The following DLG2 variants were observed in gnomAD, a reference collection of about 807,000 sequenced individuals.
The protein encoded by DLG2 is discs large MAGUK scaffold protein 2.
DLG2 carries 45 observed loss-of-function variants against 132.5 expected under a neutral mutation model. The ratio of observed to expected loss-of-function variants is 0.34; its 90% confidence interval spans 0.27 to 0.44. DLG2 has a LOEUF of 0.44. DLG2 is among the 20% of genes least tolerant of loss of function. DLG2 has a pLI of 1.00. For missense variants in DLG2, 1,045 were observed against 1,196.9 expected (o/e 0.87, Z 1.87); for synonymous variants, 424 against 419.6 (o/e 1.01, Z -0.13).
chr11:85,053,155 T>G (rs992979497), intron 6 of DLG2, among the ~76,000 whole-genome samples: 2 of 152,100 alleles, frequency 1.3e-5, no homozygotes, highest in East Asian at 3.9e-4. Context: ...ATGGCCTCAG[T>G]TTTCTCTCTG....
At chr11:84,025,754 T>C (rs1489859121) in intron 11 of DLG2, among the ~76,000 whole-genome samples, 1 of 152,150 alleles carries the variant, frequency 6.6e-6, no homozygotes, top group Admixed American at 6.6e-5. Context: ...ACAAAGCAGT[T>C]GATTTTTTAC....
rs142668977 is a variant in DLG2, at chr11:84,992,511, C to T, written c.357+119150G>A. Among the ~76,000 whole-genome samples the T allele has an allele frequency of 4.6e-5, 7 of 152,268 alleles. No homozygotes were observed. The East Asian group carries it at 1.4e-3, about 29-fold the overall frequency. On this transcript the variant is annotated intron_variant, in intron 6 of 27. Coordinates refer to ENST00000376104, the MANE Select transcript of DLG2 (RefSeq NM_001142699.3). Reference sequence around the variant, plus strand: ...GGCACCTTATTTAAACCATAGGGCTCCATGGAACACAGTTTATTTGAAAAG... The same window carrying T: ...GGCACCTTATTTAAACCATAGGGCTTCATGGAACACAGTTTATTTGAAAAG...
chr11:85,162,354 G>T (rs1566953693), intron 4 of DLG2, among the ~76,000 whole-genome samples: 1 of 152,158 alleles, frequency 6.6e-6, no homozygotes. Context: ...GAAGGTTTGG[G>T]TGACTCCACC....
chr11:84,874,568 G>C (rs530785796), intron 6 of DLG2, among the ~76,000 whole-genome samples: 1 of 152,134 alleles, frequency 6.6e-6, no homozygotes, highest in Admixed American at 6.5e-5. Context: ...ACAAATTGTG[G>C]TAAGATTTAT....
chr11:85,593,323 G>A (rs776377462), intron 3 of DLG2, among the ~76,000 whole-genome samples: 2 of 152,134 alleles, frequency 1.3e-5, no homozygotes, highest in African/African-American at 4.8e-5. Flanking sequence ...TAGAACATAG[G>A]TTTTCAAATT....
At chr11:85,131,172 T>C (rs1002331465) in intron 5 of DLG2, among the ~76,000 whole-genome samples, 1 of 152,152 alleles carries the variant, frequency 6.6e-6, no homozygotes, top group Non-Finnish European at 1.5e-5. Flanking sequence ...TAAGTAAATA[T>C]AAGGCATATG....
chr11:84,120,268 C>G (rs552547193), intron 9 of DLG2, among the ~76,000 whole-genome samples: 2 of 152,192 alleles, frequency 1.3e-5, no homozygotes, highest in African/African-American at 4.8e-5. Context: ...AGTATGCAAC[C>G]TGAAAATAGA....
intron 14 of DLG2, among the ~76,000 whole-genome samples, chr11:83,947,635 G>T (rs755580953): frequency 2.6e-5 from 4 of 152,128 alleles, no homozygotes; most frequent in Non-Finnish European, 4.4e-5. Flanking sequence ...AGCTCATTTT[G>T]TGCCAGGCTC....
At chr11:85,156,516 TAG>T (rs975873219) in intron 4 of DLG2, among the ~76,000 whole-genome samples, 3 of 152,176 alleles carry the variant, frequency 2.0e-5, no homozygotes, top group African/African-American at 7.2e-5. Context: ...ATCAGAAACA[TAG>T]AGCTCTTTAT....
chr11:85,366,578 T>G (rs1408412858), intron 3 of DLG2, among the ~76,000 whole-genome samples: 1 of 152,140 alleles, frequency 6.6e-6, no homozygotes. Flanking sequence ...TTGTTAGACA[T>G]TCAGGTTATA....
At chr11:84,001,180 T>C (rs1048757744) in intron 11 of DLG2, among the ~76,000 whole-genome samples, 2 of 151,878 alleles carry the variant, frequency 1.3e-5, no homozygotes, top group African/African-American at 4.8e-5. Context: ...GATCCAACTA[T>C]ATGCTGCCTA....
At chr11:85,484,050 C>G (rs947704598) in intron 3 of DLG2, among the ~76,000 whole-genome samples, 2 of 152,060 alleles carry the variant, frequency 1.3e-5, no homozygotes, top group African/African-American at 2.4e-5. Flanking sequence ...AATACCGGCA[C>G]GAGACCGATA....
intron 4 of DLG2, among the ~76,000 whole-genome samples, chr11:85,245,661 T>C (rs909014803): frequency 1.3e-5 from 2 of 152,016 alleles, no homozygotes; most frequent in Non-Finnish European, 2.9e-5. Flanking sequence ...TCTGCTCAAC[T>C]TCTTGTAATG....
chr11:83,688,964 G>A (rs575794057), intron 18 of DLG2, among the ~76,000 whole-genome samples: 4 of 152,226 alleles, frequency 2.6e-5, no homozygotes, highest in East Asian at 1.9e-4. Context: ...GAGGGCTTAC[G>A]ATGTCCCAGG....
chr11:83,734,062 A>T (rs1948141026), intron 18 of DLG2, among the ~76,000 whole-genome samples: 2 of 152,064 alleles, frequency 1.3e-5, no homozygotes, highest in Non-Finnish European at 2.9e-5. Context: ...AATGGCTTCC[A>T]GTTGCAACCA....
chr11:84,782,476 G>C (rs752503915), intron 6 of DLG2, among the ~76,000 whole-genome samples: 1 of 150,870 alleles, frequency 6.6e-6, no homozygotes, highest in Non-Finnish European at 1.5e-5. Flanking sequence ...ATTAAAATGA[G>C]TAATTCAAAA....
intron 6 of DLG2, among the ~76,000 whole-genome samples, chr11:84,745,970 T>A (rs953373789): frequency 5.9e-5 from 9 of 152,160 alleles, no homozygotes; most frequent in African/African-American, 2.2e-4. Flanking sequence ...TCCTCAAAAA[T>A]TCCAGGTGGA....
chr11:84,583,019 A>G (rs1017622938), intron 6 of DLG2, among the ~76,000 whole-genome samples: 2 of 152,194 alleles, frequency 1.3e-5, no homozygotes, highest in Non-Finnish European at 2.9e-5. Context: ...TGCTGACCCA[A>G]TAAAAGAAAG....
At chr11:83,667,439 C>T (rs753814964) in intron 18 of DLG2, among the ~76,000 whole-genome samples, 2 of 152,134 alleles carry the variant, frequency 1.3e-5, no homozygotes, top group Non-Finnish European at 2.9e-5. Flanking sequence ...TTTATTTCTG[C>T]CGATCCCAAG....
Sources: gnomAD v4.1 joint callset for allele counts (sites outside exome capture counted in the v4.1 genomes callset) on GRCh38, gnomAD v4.1.1 for gene constraint, MANE v1.5 for transcripts, NCBI Gene and HGNC (gene_info 2026-07-23, HGNC 2026-07-21) for gene names.